Variants in RSRC1 observed in about 807,000 individuals in gnomAD.
The protein encoded by RSRC1 is serine/Arginine-related protein 53.
A neutral mutation model predicts 49.1 loss-of-function variants in RSRC1; 39 were observed. The observed-to-expected ratio is 0.79, with a 90% CI of 0.61 to 1.04. The LOEUF (loss-of-function observed/expected upper bound fraction) is 1.04, where lower values mean the gene tolerates loss of function less well. Among genes scored for constraint, RSRC1 ranks in the 50% least tolerant of loss-of-function variants. The pLI, the probability that RSRC1 is intolerant of heterozygous loss-of-function variation, is 0.00. For synonymous variants in RSRC1, 143 were observed against 130.8 expected (o/e 1.09, Z -0.63); for missense variants, 388 against 402.4 (o/e 0.96, Z 0.31).
intron 6 of RSRC1, among the ~76,000 whole-genome samples, chr3:158,448,360 G>C (rs1470410587): frequency 6.6e-6 from 1 of 151,652 alleles, no homozygotes; most frequent in Non-Finnish European, 1.5e-5. Context: ...AATTACTGTA[G>C]CCAAGCAGTT....
At chr3:158,506,791 C>G (rs757157908) in intron 7 of RSRC1, among the ~76,000 whole-genome samples, 2 of 150,882 alleles carry the variant, frequency 1.3e-5, no homozygotes, top group Non-Finnish European at 3.0e-5. Flanking sequence ...AAAAGTAGAA[C>G]TACCATATGA....
intron 8 of RSRC1, among the ~76,000 whole-genome samples, chr3:158,538,072 A>G (rs1215441218): frequency 6.6e-6 from 1 of 151,826 alleles, no homozygotes; most frequent in Non-Finnish European, 1.5e-5. Context: ...CAAAAGTTCA[A>G]AGAGATATCT....
intron 7 of RSRC1, among the ~76,000 whole-genome samples, chr3:158,503,839 C>A (rs549432688): frequency 1.1e-4 from 16 of 152,168 alleles, no homozygotes; most frequent in Admixed American, 3.9e-4. Context: ...GTTCTTCCCC[C>A]ACCTGTGGAG....
chr3:158,292,750 A>G (rs1727011543), intron 4 of RSRC1, among the ~76,000 whole-genome samples: 1 of 152,186 alleles, frequency 6.6e-6, no homozygotes. Context: ...TTGTGTTTAA[A>G]TATCCTCCAT....
chr3:158,455,236 A>G (rs188702018), intron 6 of RSRC1, among the ~76,000 whole-genome samples: 47 of 152,214 alleles, frequency 3.1e-4, no homozygotes, highest in Admixed American at 2.4e-3. Flanking sequence ...CAACATTTGC[A>G]GTATATTCAT....
chr3:158,223,417 A>C (rs1399676042), intron 4 of RSRC1, among the ~76,000 whole-genome samples: 1 of 151,754 alleles, frequency 6.6e-6, no homozygotes, highest in Non-Finnish European at 1.5e-5. Flanking sequence ...AGGTACTTAC[A>C]GAAGAAAAGA....
chr3:158,155,860 T>G (rs1320286499), intron 3 of RSRC1, among the ~76,000 whole-genome samples: 1 of 152,220 alleles, frequency 6.6e-6, no homozygotes, highest in African/African-American at 2.4e-5. Context: ...GTTTTATTTA[T>G]AGAGCACAGG....
chr3:158,112,378 G>T (rs570326817), intron 1 of RSRC1, among the ~76,000 whole-genome samples: 21 of 152,276 alleles, frequency 1.4e-4, no homozygotes, highest in African/African-American at 4.8e-4. Flanking sequence ...GGAAATCCAG[G>T]GGTAAGTTTA....
chr3:158,343,791 C>T (rs1730389532), intron 5 of RSRC1, among the ~76,000 whole-genome samples: 1 of 152,064 alleles, frequency 6.6e-6, no homozygotes, highest in South Asian at 2.1e-4. Flanking sequence ...AAAAAGAAGG[C>T]TTAGAAGAGC....
chr3:158,318,460 T>C (rs944446613), intron 5 of RSRC1, among the ~76,000 whole-genome samples: 1 of 152,218 alleles, frequency 6.6e-6, no homozygotes. Flanking sequence ...AACTTCTTTG[T>C]TGGAAAAAGT....
At chr3:158,512,155 T>C (rs1740224380) in intron 7 of RSRC1, among the ~76,000 whole-genome samples, 1 of 149,052 alleles carries the variant, frequency 6.7e-6, no homozygotes, top group Non-Finnish European at 1.5e-5. Context: ...TTTGTTGCCA[T>C]TGCTTTTGGT....
In RSRC1 at chr3:158,187,211, A is replaced by G. The variant is rs548425486; in HGVS notation, c.321-15861A>G. ...CAAAACACCAAAGGAGATGATTACAACAGCTATTTGTTTGAAACTGGAGAA... is the reference window on the plus strand; with the variant it reads ...CAAAACACCAAAGGAGATGATTACAGCAGCTATTTGTTTGAAACTGGAGAA... On this transcript the variant is annotated intron_variant, in intron 3 of 9. Coordinates refer to ENST00000611884, the MANE Select transcript of RSRC1 (RefSeq NM_001271838.2). Among the ~76,000 whole-genome samples the G allele has an allele frequency of 2.9e-4, 44 of 152,108 alleles. 1 individual carries two copies. The highest frequency in any genetic ancestry group is 1.0e-3 in the African/African-American group (43 of 41,556).
intron 6 of RSRC1, among the ~76,000 whole-genome samples, chr3:158,376,299 A>G (rs2108273768): frequency 6.8e-6 from 1 of 147,850 alleles, no homozygotes; most frequent in Non-Finnish European, 1.5e-5. Flanking sequence ...AGCTGGGATT[A>G]TAGACATGTG....
chr3:158,318,568 C>T (rs1728591965), intron 5 of RSRC1, among the ~76,000 whole-genome samples: 1 of 152,150 alleles, frequency 6.6e-6, no homozygotes, highest in Non-Finnish European at 1.5e-5. Flanking sequence ...TGTTCACAAA[C>T]ACAGGCCTTA....
intron 4 of RSRC1, among the ~76,000 whole-genome samples, chr3:158,216,862 C>T (rs1055733164): frequency 6.6e-6 from 1 of 151,736 alleles, no homozygotes; most frequent in African/African-American, 2.4e-5. Context: ...TCCTCTGATG[C>T]TCATGCTATT....
At chr3:158,261,373 A>G (rs372196405) in intron 4 of RSRC1, among the ~76,000 whole-genome samples, 6 of 152,306 alleles carry the variant, frequency 3.9e-5, no homozygotes, top group Admixed American at 1.3e-4. Context: ...GATGTTTCAC[A>G]TGTTTCCATC....
chr3:158,474,845 C>A (rs1413211812), intron 7 of RSRC1, among the ~76,000 whole-genome samples: 3 of 152,126 alleles, frequency 2.0e-5, no homozygotes, highest in Non-Finnish European at 4.4e-5. Flanking sequence ...TTGACCAAAT[C>A]TCCCTGTGAT....
At chr3:158,517,957 A>G (rs1346373127) in intron 7 of RSRC1, among the ~76,000 whole-genome samples, 5 of 149,126 alleles carry the variant, frequency 3.4e-5, no homozygotes, top group Admixed American at 3.3e-4. Context: ...GTTATTAATT[A>G]TATTAATATA....
chr3:158,208,932 A>G (rs1235101310), intron 4 of RSRC1, among the ~76,000 whole-genome samples: 2 of 152,152 alleles, frequency 1.3e-5, no homozygotes, highest in Non-Finnish European at 2.9e-5. Context: ...ATCTTGATCC[A>G]AACTGCCTAA....
Sources: gnomAD v4.1 joint callset for allele counts (sites outside exome capture counted in the v4.1 genomes callset) on GRCh38, gnomAD v4.1.1 for gene constraint, MANE v1.5 for transcripts, NCBI Gene and HGNC (gene_info 2026-07-23, HGNC 2026-07-21) for gene names.